The following FAM171A1 variants were observed in gnomAD, a reference collection of about 807,000 sequenced individuals.
FAM171A1 encodes family with sequence similarity 171 member A1, also known as protein FAM171A1.
FAM171A1 carries 23 observed loss-of-function variants against 74.9 expected under a neutral mutation model. That is an observed-to-expected ratio of 0.31 (90% CI 0.22 to 0.44). The LOEUF is 0.44. Among genes scored for constraint, FAM171A1 ranks in the 20% least tolerant of loss-of-function variants. FAM171A1 has a pLI of 1.00. For synonymous variants in FAM171A1, 527 were observed against 505.7 expected, an observed-to-expected ratio of 1.04 and a Z score of -0.57; for missense variants, 1,162 against 1,159.2, an observed-to-expected ratio of 1.00 and a Z score of -0.03.
At chr10:15,309,619 C>A (rs1313705339) in intron 1 of FAM171A1, among the ~76,000 whole-genome samples, 1 of 152,248 alleles carries the variant, frequency 6.6e-6, no homozygotes, top group Non-Finnish European at 1.5e-5. Flanking sequence ...CATTCAAAGT[C>A]TTGGCCGACA....
intron 5 of FAM171A1, among the ~76,000 whole-genome samples, chr10:15,248,404 G>A (rs1834461364): frequency 6.6e-6 from 1 of 152,058 alleles, no homozygotes; most frequent in African/African-American, 2.4e-5. Flanking sequence ...AAGTAAATTA[G>A]GTTAAATGTG....
intron 1 of FAM171A1, among the ~76,000 whole-genome samples, chr10:15,354,361 T>C (rs1404130727): frequency 6.6e-6 from 1 of 152,100 alleles, no homozygotes; most frequent in East Asian, 1.9e-4. Context: ...CCAAGTGTTG[T>C]GGCACTTGCC....
At chr10:15,304,061 A>T (rs1010532809) in intron 1 of FAM171A1, among the ~76,000 whole-genome samples, 3 of 152,200 alleles carry the variant, frequency 2.0e-5, no homozygotes, top group African/African-American at 7.2e-5. Context: ...GCAATGGAGA[A>T]AAAGTTGCAG....
intron 6 of FAM171A1, among the ~76,000 whole-genome samples, chr10:15,220,395 G>A (rs1564613830): frequency 6.6e-6 from 1 of 151,840 alleles, no homozygotes; most frequent in African/African-American, 2.4e-5. Context: ...GAATATTTTT[G>A]GGGGTAACAT....
At position 15,292,184 on chromosome 10, in the gene FAM171A1, CT is replaced by C. The variant is rs560025746; in HGVS notation, c.98-8080del. Among the ~76,000 whole-genome samples, 89 of 152,218 alleles carry C rather than the reference CT, an allele frequency of 5.8e-4. 1 individual carries two copies. The highest frequency in any genetic ancestry group is 4.2e-3 in the Admixed American group (64 of 15,278). On this transcript the variant is annotated intron_variant, in intron 1 of 7. Transcript: ENST00000378116. ...TAATCCCATGCACAATGGCTCCCCCCTCATGACCTGATGTCCTCCCAAAAGA... is the reference window on the plus strand; with the variant it reads ...TAATCCCATGCACAATGGCTCCCCCCCATGACCTGATGTCCTCCCAAAAGA...
rs1835193934 is a variant in FAM171A1 at position 15,298,936 on chromosome 10, G to A, written c.98-14831C>T. ...ATTGGTATTTTATTTACTTATTTGT[G>A]TTGGGACAGAGTCTCACTCTGTTAC... On this transcript the variant is annotated intron_variant, in intron 1 of 7. Transcript: ENST00000378116. Among the ~76,000 whole-genome samples, 3 of 152,212 alleles carry A rather than the reference G, an allele frequency of 2.0e-5. No homozygotes were observed. In the South Asian group the frequency reaches 6.2e-4, roughly 32 times the overall value.
At chr10:15,275,808 T>C (rs1356419691) in intron 3 of FAM171A1, 47 bp downstream of exon 3, 2 of 1,231,922 alleles carry the variant, frequency 1.6e-6, no homozygotes, top group African/African-American at 3.1e-5. Context: ...TACAATAATG[T>C]ATCCATCAAA....
At chr10:15,359,555 G>A (rs1210661193) in intron 1 of FAM171A1, among the ~76,000 whole-genome samples, 5 of 152,106 alleles carry the variant, frequency 3.3e-5, no homozygotes, top group South Asian at 2.1e-4. Flanking sequence ...CTGGGCAGGC[G>A]GAATGAGTCC....
At chr10:15,355,215 C>T (rs974400668) in intron 1 of FAM171A1, among the ~76,000 whole-genome samples, 4 of 152,176 alleles carry the variant, frequency 2.6e-5, no homozygotes, top group Non-Finnish European at 4.4e-5. Flanking sequence ...CTCCTGAGTA[C>T]AGGTGCGTGC....
intron 6 of FAM171A1, among the ~76,000 whole-genome samples, chr10:15,220,005 G>A (rs1834017268): frequency 6.6e-6 from 1 of 152,196 alleles, no homozygotes; most frequent in South Asian, 2.1e-4. Context: ...CAGTTACTTT[G>A]TGAGTCTAAG....
intron 3 of FAM171A1, among the ~76,000 whole-genome samples, chr10:15,257,319 T>A (rs1256314384): frequency 1.3e-5 from 2 of 151,960 alleles, no homozygotes; most frequent in African/African-American, 2.4e-5. Flanking sequence ...GGACTGAGGG[T>A]TGCTGAAAGA....
Position 15,220,999 on chromosome 10 carries a change from T to C in FAM171A1, c.816A>G (p.Thr272=), listed in dbSNP as rs773333305. The C allele has an allele frequency of 6.2e-7, 1 of 1,614,158 alleles. No homozygotes were observed. The highest frequency in any genetic ancestry group is 1.1e-5 in the South Asian group (1 of 91,068). ...AGTACCCCAACTGGGGGGCAATGTA[T>C]GTCCACGTCAGCTGGCTGCCTTCCT... ...VHQEGSQLTW[T]YIAPQLGYWV... Residue 272 remains threonine, a synonymous_variant, in exon 6 of 8, where the codon ACA becomes ACG. Coordinates refer to ENST00000378116, the MANE Select transcript of FAM171A1 (RefSeq NM_001010924.2).
At chr10:15,295,506 G>T (rs1835151298) in intron 1 of FAM171A1, among the ~76,000 whole-genome samples, 1 of 152,146 alleles carries the variant, frequency 6.6e-6, no homozygotes, top group Non-Finnish European at 1.5e-5. Context: ...AAAGTTTGTG[G>T]GCTCCATTTT....
chr10:15,264,382 G>A (rs934269828), intron 3 of FAM171A1, among the ~76,000 whole-genome samples: 2 of 152,040 alleles, frequency 1.3e-5, no homozygotes, highest in African/African-American at 4.8e-5. Context: ...TGGCTTGCAT[G>A]TCTGAGCAGG....
chr10:15,282,109 C>G (rs1223745424), intron 2 of FAM171A1, among the ~76,000 whole-genome samples: 1 of 152,166 alleles, frequency 6.6e-6, no homozygotes, highest in Non-Finnish European at 1.5e-5. Flanking sequence ...GAGATGGAGT[C>G]TCGCTGTGTC....
At chr10:15,299,404 A>C (rs7099176) in intron 1 of FAM171A1, among the ~76,000 whole-genome samples, 105,534 of 152,104 alleles carry the variant, frequency 0.69, 36,853 homozygotes, top group East Asian at 0.92. Context: ...GGCAACCTAA[A>C]CTGGTGGGGG....
chr10:15,296,310 T>G (rs951791953), intron 1 of FAM171A1, among the ~76,000 whole-genome samples: 4 of 152,082 alleles, frequency 2.6e-5, no homozygotes, highest in African/African-American at 9.7e-5. Context: ...TATTTTAAAG[T>G]ATAATCTATA....
intron 1 of FAM171A1, among the ~76,000 whole-genome samples, chr10:15,342,075 G>A (rs1835770735): frequency 6.6e-6 from 1 of 152,226 alleles, no homozygotes; most frequent in Non-Finnish European, 1.5e-5. Context: ...GGACCTGGAT[G>A]CAGAAGGTCT....
chr10:15,276,741 G>C (rs1465193379), intron 2 of FAM171A1, among the ~76,000 whole-genome samples: 1 of 152,038 alleles, frequency 6.6e-6, no homozygotes, highest in Non-Finnish European at 1.5e-5. Flanking sequence ...CTGGAGTGCA[G>C]TGGCACGGTT....
Sources: gnomAD v4.1 joint callset for allele counts (sites outside exome capture counted in the v4.1 genomes callset) on GRCh38, gnomAD v4.1.1 for gene constraint, MANE v1.5 for transcripts, NCBI Gene and HGNC (gene_info 2026-07-23, HGNC 2026-07-21) for gene names.